Variants in RBFOX1 observed in about 807,000 individuals in gnomAD.
RBFOX1 encodes the protein RNA binding protein fox-1 homolog 1.
A neutral mutation model predicts 57.7 loss-of-function variants in RBFOX1; 8 were observed. The observed-to-expected ratio is 0.14, with a 90% CI of 0.08 to 0.25. The LOEUF is 0.25. Among genes scored for constraint, RBFOX1 ranks in the 10% least tolerant of loss-of-function variants. The probability of loss-of-function intolerance (pLI) is 1.00; values close to 1 mark genes in which losing one functional copy is unlikely to be tolerated. For missense variants in RBFOX1, 611 were observed against 548.5 expected (o/e 1.11, Z -1.14); for synonymous variants, 326 against 222.4 (o/e 1.47, Z -4.15).
intron 4 of RBFOX1, among the ~76,000 whole-genome samples, chr16:7,340,442 G>T (rs1304900281): frequency 6.6e-6 from 1 of 152,170 alleles, no homozygotes; most frequent in African/African-American, 2.4e-5. Context: ...GGCAGGGATG[G>T]CTGTTTTACC....
chr16:7,242,605 A>G (rs1395943229), intron 4 of RBFOX1, among the ~76,000 whole-genome samples: 1 of 152,216 alleles, frequency 6.6e-6, no homozygotes, highest in African/African-American at 2.4e-5. Flanking sequence ...TAAGCTGAAC[A>G]AACTTTCCAT....
chr16:6,152,003 C>A (rs114364691), intron 1 of RBFOX1, among the ~76,000 whole-genome samples: 1 of 152,110 alleles, frequency 6.6e-6, no homozygotes, highest in Non-Finnish European at 1.5e-5. Flanking sequence ...ATAGCCATTC[C>A]TTGGGTTTCT....
At chr16:5,391,374 G>C (rs546485003) in intron 1 of RBFOX1, among the ~76,000 whole-genome samples, 1 of 152,034 alleles carries the variant, frequency 6.6e-6, no homozygotes, top group Non-Finnish European at 1.5e-5. Context: ...TCTTTGAGAG[G>C]CTGCCTGCAT....
intron 4 of RBFOX1, among the ~76,000 whole-genome samples, chr16:7,202,532 A>C: frequency 6.6e-6 from 1 of 152,210 alleles, no homozygotes; most frequent in Non-Finnish European, 1.5e-5. Context: ...TGGGTCATGT[A>C]GTGGTACCGG....
intron 4 of RBFOX1, among the ~76,000 whole-genome samples, chr16:7,340,904 A>G (rs1447699930): frequency 1.3e-5 from 2 of 152,212 alleles, no homozygotes; most frequent in Non-Finnish European, 2.9e-5. Context: ...ATCATTTTAA[A>G]GGCATGCTAT....
intron 1 of RBFOX1, among the ~76,000 whole-genome samples, chr16:6,253,491 C>G (rs2097638531): frequency 6.6e-6 from 1 of 152,144 alleles, no homozygotes; most frequent in African/African-American, 2.4e-5. Context: ...CGTAGAGGTC[C>G]TGCCAGGACC....
chr16:6,964,620 A>T (rs2083709311), intron 3 of RBFOX1, among the ~76,000 whole-genome samples: 1 of 152,184 alleles, frequency 6.6e-6, no homozygotes. Flanking sequence ...CCTCTAAAAA[A>T]TAACGTTAGT....
intron 14 of RBFOX1, among the ~76,000 whole-genome samples, chr16:7,701,024 G>C (rs976258606): frequency 2.6e-5 from 4 of 152,092 alleles, no homozygotes; most frequent in African/African-American, 7.2e-5. Flanking sequence ...TTCTCATGTA[G>C]GGTCTAAAAA....
intron 3 of RBFOX1, among the ~76,000 whole-genome samples, chr16:5,796,556 T>C (rs992964780): frequency 8.0e-6 from 1 of 125,340 alleles, no homozygotes. Flanking sequence ...TCAGATGGTG[T>C]CTCCACACCC....
intron 3 of RBFOX1, among the ~76,000 whole-genome samples, chr16:6,818,016 G>C (rs528958577): frequency 6.6e-6 from 1 of 152,256 alleles, no homozygotes; most frequent in East Asian, 1.9e-4. Flanking sequence ...TGGGTTAGTG[G>C]CTAAACTTTT....
intron 2 of RBFOX1, among the ~76,000 whole-genome samples, chr16:6,408,024 G>A (rs1346182487): frequency 1.3e-5 from 2 of 152,102 alleles, no homozygotes; most frequent in Non-Finnish European, 2.9e-5. Context: ...AAAGAGGCCA[G>A]AGGAAGCTTG....
chr16:6,865,207 T>C (rs1376602196), intron 3 of RBFOX1, among the ~76,000 whole-genome samples: 2 of 151,942 alleles, frequency 1.3e-5, no homozygotes, highest in Non-Finnish European at 1.5e-5. Flanking sequence ...TTTGCCATGT[T>C]GGCCAGGCTG....
intron 2 of RBFOX1, among the ~76,000 whole-genome samples, chr16:6,625,100 A>G (rs1031004543): frequency 6.4e-5 from 9 of 140,022 alleles, no homozygotes; most frequent in Admixed American, 1.6e-4. Flanking sequence ...GGGAGGCAAA[A>G]GTTGCAGTGA....
chr16:5,583,363 G>C lies in RBFOX1; in HGVS notation c.259-15539G>C, dbSNP rs1041989846. On this transcript the variant is annotated intron_variant, in intron 2 of 2. Transcript: ENST00000585867. Reference sequence around the variant, plus strand: ...ATAGTATGTATCTGTAATAATAGCTGAGTGTTGGCCAATCCCAGCGGCCAT... The same window carrying C: ...ATAGTATGTATCTGTAATAATAGCTCAGTGTTGGCCAATCCCAGCGGCCAT... Among the ~76,000 whole-genome samples, 48 of 152,338 alleles carry C rather than the reference G, an allele frequency of 3.2e-4. 1 individual carries two copies. The highest frequency in any genetic ancestry group is 1.1e-3 in the African/African-American group (46 of 41,580).
In RBFOX1 at chr16:7,057,574, G is replaced by T. The variant is rs141337210; in HGVS notation, c.27+5476G>T. ...AATTCCTGGAAAAGGAGCCTGATTGGCTTAGTCTGGATCAGTTGTTCACTC... is the reference window on the plus strand; with the variant it reads ...AATTCCTGGAAAAGGAGCCTGATTGTCTTAGTCTGGATCAGTTGTTCACTC... On this transcript the variant is annotated intron_variant, in intron 4 of 15. Coordinates refer to ENST00000550418, the MANE Select transcript of RBFOX1 (RefSeq NM_018723.4). 1.1e-4 allele frequency among the ~76,000 whole-genome samples: 16 copies of T among 152,324 alleles called. 1 individual carries two copies. The Middle Eastern group carries it at 0.01, about 97-fold the overall frequency.
At chr16:5,765,578 C>G (rs2053747788) in intron 3 of RBFOX1, among the ~76,000 whole-genome samples, 1 of 152,164 alleles carries the variant, frequency 6.6e-6, no homozygotes, top group Non-Finnish European at 1.5e-5. Flanking sequence ...AATAACTACA[C>G]ATGAAAGAAT....
At chr16:7,546,559 T>G (rs1466882644) in intron 5 of RBFOX1, among the ~76,000 whole-genome samples, 1 of 152,172 alleles carries the variant, frequency 6.6e-6, no homozygotes, top group Non-Finnish European at 1.5e-5. Context: ...GTTTATCTTT[T>G]GAGAGGCTTT....
rs191859023 is a variant in RBFOX1 at position 5,874,273 on chromosome 16, A to G, written c.351+6938A>G. Among the ~76,000 whole-genome samples, 81 of 152,352 alleles carry G rather than the reference A, an allele frequency of 5.3e-4. 1 individual carries two copies. The East Asian group carries it at 0.012, about 23-fold the overall frequency. ...AGCCATTGGTTGATTCAAGGGATCA[A>G]TGGTCCTCTGGCTTGAAGGAAAGGC... On this transcript the variant is annotated intron_variant, in intron 4 of 19. Coordinates refer to the RBFOX1 transcript ENST00000641259.
chr16:6,970,198 A>T (rs1194475751), intron 3 of RBFOX1, among the ~76,000 whole-genome samples: 1 of 152,080 alleles, frequency 6.6e-6, no homozygotes, highest in African/African-American at 2.4e-5. Context: ...AAAAAGAAAG[A>T]AACAAAAAAC....
Sources: gnomAD v4.1 joint callset for allele counts (sites outside exome capture counted in the v4.1 genomes callset) on GRCh38, gnomAD v4.1.1 for gene constraint, MANE v1.5 for transcripts, NCBI Gene and HGNC (gene_info 2026-07-23, HGNC 2026-07-21) for gene names.